Variants in RBMS3 observed in about 807,000 individuals in gnomAD.
RBMS3 encodes RNA-binding motif, single-stranded-interacting protein 3.
RBMS3 carries 27 observed loss-of-function variants against 66.8 expected under a neutral mutation model. That is an observed-to-expected ratio of 0.40 (90% CI 0.30 to 0.56). The LOEUF is 0.56. Among genes scored for constraint, RBMS3 ranks in the 20% least tolerant of loss-of-function variants. The probability of loss-of-function intolerance (pLI) is 0.40; values close to 1 mark genes in which losing one functional copy is unlikely to be tolerated. For synonymous variants in RBMS3, 188 were observed against 183.0 expected (o/e 1.03, Z -0.22); for missense variants, 513 against 549.5 (o/e 0.93, Z 0.66).
chr3:29,695,614 C>T (rs1272855698), intron 4 of RBMS3, among the ~76,000 whole-genome samples: 1 of 152,062 alleles, frequency 6.6e-6, no homozygotes, highest in Admixed American at 6.6e-5. Flanking sequence ...CTCAGGCAGC[C>T]CTCATTTAAC....
chr3:29,500,508 T>C lies in RBMS3; in HGVS notation c.307+12009T>C, dbSNP rs954139613. Among the ~76,000 whole-genome samples, 6 of 151,552 alleles carry C rather than the reference T, an allele frequency of 4.0e-5. No individual in the cohort carries two copies. In the East Asian group the frequency reaches 1.2e-3, roughly 29 times the overall value. ...GTATTACATAATGATGTTTTGGTCA[T>C]CGACAAAACTCATATATGACAGTTG... On this transcript the variant is annotated intron_variant, in intron 3 of 14. Transcript: ENST00000383767.
chr3:29,500,838 CTGTGTGTG>C (rs58254082), intron 3 of RBMS3, among the ~76,000 whole-genome samples: 5 of 148,192 alleles, frequency 3.4e-5, no homozygotes, highest in Admixed American at 6.7e-5. Flanking sequence ...GTCAGTACAT[CTGTGTGTG>C]TGTGTGTGTG....
intron 6 of RBMS3, among the ~76,000 whole-genome samples, chr3:29,804,782 A>G (rs1333612331): frequency 6.6e-6 from 1 of 152,074 alleles, no homozygotes; most frequent in Non-Finnish European, 1.5e-5. Context: ...AATTTGCATA[A>G]TGCCTTAAAT....
chr3:29,832,028 C>G (rs2058382408), intron 6 of RBMS3, among the ~76,000 whole-genome samples: 1 of 152,084 alleles, frequency 6.6e-6, no homozygotes, highest in African/African-American at 2.4e-5. Context: ...CTTTATTTCT[C>G]TCTACACTAT....
intron 10 of RBMS3, among the ~76,000 whole-genome samples, chr3:29,917,088 T>C (rs1361350151): frequency 6.6e-6 from 1 of 152,050 alleles, no homozygotes; most frequent in Non-Finnish European, 1.5e-5. Context: ...TTTTTGGGTG[T>C]CTGCTATGTG....
chr3:29,612,057 T>C (rs919327189), intron 4 of RBMS3, among the ~76,000 whole-genome samples: 3 of 152,044 alleles, frequency 2.0e-5, no homozygotes, highest in Non-Finnish European at 4.4e-5. Context: ...TTGTTTGTAA[T>C]GAAGAAAATT....
intron 2 of RBMS3, among the ~76,000 whole-genome samples, chr3:29,475,485 G>C (rs1040449227): frequency 6.6e-6 from 1 of 152,026 alleles, no homozygotes; most frequent in Non-Finnish European, 1.5e-5. Context: ...CTTGAGCTCA[G>C]GCAATCCGTC....
intron 14 of RBMS3, among the ~76,000 whole-genome samples, chr3:29,995,710 C>A (rs1200304113): frequency 6.6e-6 from 1 of 152,060 alleles, no homozygotes; most frequent in Non-Finnish European, 1.5e-5. Context: ...TACAAACAAG[C>A]AAGTGTTGAG....
intron 4 of RBMS3, among the ~76,000 whole-genome samples, chr3:29,705,282 T>A (rs536565432): frequency 1.7e-4 from 26 of 152,308 alleles, no homozygotes; most frequent in African/African-American, 6.0e-4. Context: ...AAAATGTATA[T>A]GAAGGAAACT....
intron 2 of RBMS3, among the ~76,000 whole-genome samples, chr3:29,445,414 A>G (rs371982483): frequency 2.4e-3 from 94 of 39,690 alleles, no homozygotes; most frequent in Middle Eastern, 0.02. Flanking sequence ...TGCTGAGACA[A>G]AAAAAAAAAA....
chr3:29,698,144 C>T, intron 4 of RBMS3: 1 of 919,494 alleles, frequency 1.1e-6, no homozygotes, highest in African/African-American at 1.8e-5. Context: ...GCCTACATTC[C>T]AGTGAAATTA....
At position 29,414,632 on chromosome 3, in the gene RBMS3, G is replaced by T. The variant is rs76879101; in HGVS notation, c.76-20111G>T. On this transcript the variant is annotated intron_variant, in intron 1 of 14. Transcript: ENST00000383767. ...TCAGTCTTAAAATATTCCACTCTGA[G>T]CTCAGTGCTGCATACTTGGGAGATA... is the stretch of plus-strand genomic sequence containing the variant. Among the ~76,000 whole-genome samples the T allele has an allele frequency of 3.8e-3, 586 of 152,210 alleles. 4 individuals are homozygous for T. Among genetic ancestry groups the T allele is most frequent in the African/African-American group, 0.013 (560 of 41,522 alleles).
At chr3:29,497,103 G>A (rs559729478) in intron 3 of RBMS3, among the ~76,000 whole-genome samples, 7 of 151,802 alleles carry the variant, frequency 4.6e-5, no homozygotes, top group Non-Finnish European at 8.8e-5. Flanking sequence ...TCCGCCTCCC[G>A]GGTTCAAGTG....
At chr3:29,474,276 A>G (rs879929805) in intron 2 of RBMS3, among the ~76,000 whole-genome samples, 17 of 152,256 alleles carry the variant, frequency 1.1e-4, no homozygotes, top group Non-Finnish European at 2.1e-4. Context: ...TTATTCTCAT[A>G]GTGGTATGGT....
At chr3:29,809,551 T>C (rs1007956852) in intron 6 of RBMS3, among the ~76,000 whole-genome samples, 11 of 152,010 alleles carry the variant, frequency 7.2e-5, no homozygotes, top group African/African-American at 2.7e-4. Context: ...CCAATTTTCA[T>C]TACTAATATT....
intron 1 of RBMS3, among the ~76,000 whole-genome samples, chr3:29,384,673 G>A (rs536292681): frequency 6.6e-6 from 1 of 152,144 alleles, no homozygotes; most frequent in Admixed American, 6.5e-5. Flanking sequence ...GTGACTCAAG[G>A]ATGTCTGGAG....
chr3:29,516,840 A>G (rs2044645747), intron 3 of RBMS3, among the ~76,000 whole-genome samples: 1 of 152,226 alleles, frequency 6.6e-6, no homozygotes, highest in South Asian at 2.1e-4. Context: ...TAGAAGATTT[A>G]AGAATGAAAG....
chr3:29,628,195 A>G (rs1483204141), intron 4 of RBMS3, among the ~76,000 whole-genome samples: 1 of 152,200 alleles, frequency 6.6e-6, no homozygotes, highest in African/African-American at 2.4e-5. Flanking sequence ...TTAATGCTCA[A>G]TATAAACATG....
chr3:29,628,574 C>T (rs1227900079), intron 4 of RBMS3, among the ~76,000 whole-genome samples: 1 of 152,070 alleles, frequency 6.6e-6, no homozygotes, highest in African/African-American at 2.4e-5. Flanking sequence ...GATTATTGTA[C>T]TTCTTATATG....
Sources: gnomAD v4.1 joint callset for allele counts (sites outside exome capture counted in the v4.1 genomes callset) on GRCh38, gnomAD v4.1.1 for gene constraint, MANE v1.5 for transcripts, NCBI Gene and HGNC (gene_info 2026-07-23, HGNC 2026-07-21) for gene names.